Variants in PTPRD observed in about 807,000 individuals in gnomAD.
PTPRD encodes the protein receptor-type tyrosine-protein phosphatase delta.
PTPRD carries 34 observed loss-of-function variants against 214.5 expected under a neutral mutation model. The ratio of observed to expected loss-of-function variants is 0.16; its 90% confidence interval spans 0.12 to 0.21. PTPRD has a LOEUF of 0.21. PTPRD is among the 10% of genes least tolerant of loss of function. The pLI, the probability that PTPRD is intolerant of heterozygous loss-of-function variation, is 1.00. For missense variants in PTPRD, 2,545 were observed against 2,398.7 expected (o/e 1.06, Z -1.27); for synonymous variants, 1,128 against 845.7 (o/e 1.33, Z -5.79).
chr9:10,394,048 T>C (rs2098122012), intron 2 of PTPRD, among the ~76,000 whole-genome samples: 1 of 146,058 alleles, frequency 6.8e-6, no homozygotes, highest in African/African-American at 2.5e-5. Flanking sequence ...GATACCCATA[T>C]ATACATATTA....
chr9:8,694,634 T>A (rs978534113), intron 12 of PTPRD, among the ~76,000 whole-genome samples: 1 of 152,214 alleles, frequency 6.6e-6, no homozygotes, highest in African/African-American at 2.4e-5. Context: ...GGAAACTTAC[T>A]TGCTTGTGCT....
intron 2 of PTPRD, among the ~76,000 whole-genome samples, chr9:10,545,873 A>G (rs1393589142): frequency 2.0e-5 from 3 of 152,162 alleles, no homozygotes; most frequent in African/African-American, 4.8e-5. Context: ...TCCATGGAAC[A>G]CAAGGCACAG....
At chr9:10,024,975 G>T (rs1047782250) in intron 4 of PTPRD, among the ~76,000 whole-genome samples, 2 of 151,652 alleles carry the variant, frequency 1.3e-5, no homozygotes, top group South Asian at 2.1e-4. Flanking sequence ...ATTTTTTATG[G>T]ATGCATAGTA....
chr9:9,452,134 C>G (rs1588831960), intron 8 of PTPRD, among the ~76,000 whole-genome samples: 1 of 150,976 alleles, frequency 6.6e-6, no homozygotes, highest in Non-Finnish European at 1.5e-5. Context: ...AGCTGAATGC[C>G]AAAAACAAAG....
At chr9:9,903,481 C>G (rs1566149586) in intron 5 of PTPRD, among the ~76,000 whole-genome samples, 1 of 152,076 alleles carries the variant, frequency 6.6e-6, no homozygotes, top group Non-Finnish European at 1.5e-5. Flanking sequence ...ACACACAGAT[C>G]AGGTACCCAA....
intron 2 of PTPRD, among the ~76,000 whole-genome samples, chr9:10,376,233 T>C (rs567186667): frequency 1.4e-4 from 22 of 152,062 alleles, no homozygotes; most frequent in South Asian, 6.2e-4. Flanking sequence ...TAATTGCTGA[T>C]ATGCTACCTG....
At chr9:10,603,706 T>C (rs1444632242) in intron 2 of PTPRD, among the ~76,000 whole-genome samples, 3 of 151,862 alleles carry the variant, frequency 2.0e-5, no homozygotes, top group Admixed American at 2.0e-4. Flanking sequence ...TCAATAAGTG[T>C]TGGCTATTAT....
intron 3 of PTPRD, among the ~76,000 whole-genome samples, chr9:10,262,261 C>A (rs574730937): frequency 1.4e-4 from 21 of 152,216 alleles, no homozygotes; most frequent in African/African-American, 4.8e-4. Context: ...AAAGGGACTA[C>A]AAACTATAAA....
chr9:10,395,945 T>C (rs924001871), intron 2 of PTPRD, among the ~76,000 whole-genome samples: 1 of 138,276 alleles, frequency 7.2e-6, no homozygotes, highest in Non-Finnish European at 1.5e-5. Context: ...CAGAGGGACA[T>C]AGAGAGAATG....
intron 30 of PTPRD, among the ~76,000 whole-genome samples, chr9:8,482,980 T>C (rs969357637): frequency 6.6e-6 from 1 of 152,264 alleles, no homozygotes; most frequent in African/African-American, 2.4e-5. Flanking sequence ...TAACGCTTAC[T>C]ACATCTGTCT....
At chr9:10,435,162 G>A (rs1324450283) in intron 2 of PTPRD, among the ~76,000 whole-genome samples, 1 of 151,830 alleles carries the variant, frequency 6.6e-6, no homozygotes, top group Non-Finnish European at 1.5e-5. Context: ...CACTATTTGA[G>A]CAAAGTTCAA....
intron 2 of PTPRD, among the ~76,000 whole-genome samples, chr9:10,395,517 A>G (rs1587131518): frequency 6.6e-6 from 1 of 152,044 alleles, no homozygotes; most frequent in African/African-American, 2.4e-5. Context: ...AACTTATCCA[A>G]TATACGACAT....
At chr9:10,534,811 A>G (rs980748419) in intron 2 of PTPRD, among the ~76,000 whole-genome samples, 1 of 152,212 alleles carries the variant, frequency 6.6e-6, no homozygotes, top group Non-Finnish European at 1.5e-5. Flanking sequence ...TCCTCTCATT[A>G]TAAATATTTT....
intron 8 of PTPRD, among the ~76,000 whole-genome samples, chr9:9,440,558 A>T (rs1352356572): frequency 6.6e-6 from 1 of 152,174 alleles, no homozygotes. Flanking sequence ...AACAGTTGTC[A>T]CCGATAACTT....
At chr9:10,126,424 TATACACACACACACACAC>T (rs1440301482) in intron 3 of PTPRD, among the ~76,000 whole-genome samples, 3 of 130,938 alleles carry the variant, frequency 2.3e-5, no homozygotes. Context: ...CTGTTTTATA[TATACACACACACACACAC>T]ACACACACAC....
At chr9:8,435,700 T>TACACACACAC (rs3043782) in intron 35 of PTPRD, among the ~76,000 whole-genome samples, 8 of 148,780 alleles carry the variant, frequency 5.4e-5, no homozygotes, top group African/African-American at 1.7e-4. Flanking sequence ...AATATCCAAA[T>TACACACACAC]ACACACACAC....
intron 9 of PTPRD, among the ~76,000 whole-genome samples, chr9:9,386,287 C>T (rs2063842285): frequency 6.6e-6 from 1 of 152,112 alleles, no homozygotes; most frequent in South Asian, 2.1e-4. Flanking sequence ...GGGGATTCAT[C>T]ACCTAGGGTT....
chr9:9,029,855 G>A (rs1396830672), intron 10 of PTPRD, among the ~76,000 whole-genome samples: 2 of 151,912 alleles, frequency 1.3e-5, no homozygotes, highest in Non-Finnish European at 2.9e-5. Flanking sequence ...GAGATCAGGG[G>A]AATGGTTAAA....
intron 9 of PTPRD, among the ~76,000 whole-genome samples, chr9:9,301,238 T>G (rs998849221): frequency 1.3e-5 from 2 of 151,928 alleles, no homozygotes; most frequent in African/African-American, 2.4e-5. Flanking sequence ...TTTTTGAGGA[T>G]GCATTGAATT....
Sources: gnomAD v4.1 joint callset for allele counts (sites outside exome capture counted in the v4.1 genomes callset) on GRCh38, gnomAD v4.1.1 for gene constraint, MANE v1.5 for transcripts, NCBI Gene and HGNC (gene_info 2026-07-23, HGNC 2026-07-21) for gene names.